TLR1: variants seen among roughly 807,000 people sequenced by gnomAD.
TLR1 encodes the protein toll like receptor 1, also known as toll-like receptor 1.
Under a neutral mutation model 20.2 loss-of-function variants are expected in TLR1, and 19 were observed. The observed-to-expected ratio is 0.94, with a 90% CI of 0.66 to 1.38. The LOEUF is 1.38. Among genes scored for constraint, TLR1 ranks in the 40% most tolerant of loss-of-function variants. TLR1 has a pLI of 0.00. For missense variants in TLR1, 921 were observed against 910.0 expected (o/e 1.01, Z -0.16); for synonymous variants, 320 against 334.5 (o/e 0.96, Z 0.47).
downstream of TLR1, among the ~76,000 whole-genome samples, chr4:38,789,867 G>GTAA (rs1725677746): frequency 1.3e-5 from 2 of 152,168 alleles, no homozygotes; most frequent in South Asian, 4.1e-4. Flanking sequence ...TATGATCTAT[G>GTAA]TAATGTTGGG....
rs1726157423 is a variant in TLR1 at position 38,797,187 on chromosome 4, C to T, written c.1645G>A (p.Gly549Ser). The T allele has an allele frequency of 3.1e-6, 5 of 1,614,100 alleles. No homozygotes were observed. Among genetic ancestry groups the T allele is most frequent in the Non-Finnish European group, 4.2e-6 (5 of 1,180,052 alleles). The change falls in exon 4 of 4, where the codon GGC (glycine) becomes AGC (serine). Residue 549 changes from glycine (G) to serine (S), a missense_variant. By Grantham distance (56) the Gly-to-Ser change is moderately conservative. Transcript: ENST00000308979. The stretch of plus-strand genomic sequence containing the variant: ...TCACACTTATAAGAATCAGGCCAGC[C>T]CTCTAACACTTCACTTGATACTTGG... ...IDQVSSEVLE[G>S]WPDSYKCDYP... is the part of the protein sequence containing the mutation.
downstream of TLR1, among the ~76,000 whole-genome samples, chr4:38,788,984 TG>T (rs1435001705): frequency 6.6e-6 from 1 of 152,118 alleles, no homozygotes; most frequent in Non-Finnish European, 1.5e-5. Context: ...CCAGCACAAG[TG>T]GCACAGCAAG....
At chr4:38,805,344 A>T (rs902343841), upstream of TLR1, 2 of 152,146 alleles carry the variant, frequency 1.3e-5, no homozygotes, top group Non-Finnish European at 2.9e-5. Context: ...TTGGTGCTGA[A>T]TTTTTTTCCA....
At chr4:38,800,131 C>T (rs1484362596) in intron 3 of TLR1, among the ~76,000 whole-genome samples, 1 of 152,020 alleles carries the variant, frequency 6.6e-6, no homozygotes, top group Non-Finnish European at 1.5e-5. Flanking sequence ...GAATGAGTAA[C>T]CTATGGGAAG....
At chr4:38,803,881 G>T (rs1316599655) in intron 2 of TLR1, among the ~76,000 whole-genome samples, 1 of 152,204 alleles carries the variant, frequency 6.6e-6, no homozygotes, top group African/African-American at 2.4e-5. Context: ...CACATTATAT[G>T]ATACAATGAA....
chr4:38,802,642 A>G (rs191975281), intron 2 of TLR1, among the ~76,000 whole-genome samples: 255 of 152,344 alleles, frequency 1.7e-3, no homozygotes, highest in Non-Finnish European at 2.5e-3. Context: ...CAAGTTGCCC[A>G]CTTGGCCCTC....
At chr4:38,803,861 G>A (rs1726842788) in intron 2 of TLR1, among the ~76,000 whole-genome samples, 1 of 152,172 alleles carries the variant, frequency 6.6e-6, no homozygotes, top group African/African-American at 2.4e-5. Context: ...TATTATGATA[G>A]GTTTAGCCTC....
rs5743566 is a variant in TLR1 at position 38,804,321 on chromosome 4, G to C, written c.-175C>G. The C allele has an allele frequency of 0.15, 22,261 of 152,362 alleles. 2,249 individuals are homozygous for C. Among genetic ancestry groups the C allele is most frequent in the East Asian group, 0.4 (2,085 of 5,174 alleles). The allele number at this position is 152,362 out of a possible 1,614,324, so 9.4% of individuals were successfully genotyped here. A position where few individuals can be genotyped will look rare whatever the true frequency, so the allele number is the denominator to read the frequency against. On this transcript the variant is annotated 5_prime_UTR_variant, in exon 2 of 4. Coordinates refer to ENST00000308979, the MANE Select transcript of TLR1 (RefSeq NM_003263.4). ...TGAAACAAACCTGGCCACAAAAACA[G>C]AAGAGCTGAACAGCAGCATTGCCTC...
downstream of TLR1, among the ~76,000 whole-genome samples, chr4:38,795,108 TC>T (rs1725950870): frequency 1.3e-5 from 2 of 152,134 alleles, no homozygotes; most frequent in African/African-American, 4.8e-5. Context: ...AGAAAAGGTA[TC>T]AATTACACCT....
downstream of TLR1, chr4:38,794,447 C>T (rs573549358): frequency 5.9e-5 from 9 of 152,218 alleles, no homozygotes; most frequent in African/African-American, 1.7e-4. Context: ...ATATAACTTT[C>T]CACACTCCTA....
Position 38,796,844 on chromosome 4 carries a change from C to A in TLR1, c.1988G>T (p.Gly663Val), listed in dbSNP as rs1560456396. 6.2e-7 allele frequency: 1 copy of A among 1,614,228 alleles called. No individual in the cohort carries two copies. ...TCTCTCATGAAGGCAAATCTGCATA[C>A]CTTCTTTCTCTAGGTTTGGCAATAA... ...NELLPNLEKE[G>V]MQICLHERNF... The change falls in exon 4 of 4, where the codon GGT becomes GTT. Residue 663 changes from glycine (G) to valine (V), a missense_variant. Transcript: ENST00000308979.
downstream of TLR1, among the ~76,000 whole-genome samples, chr4:38,791,949 G>A (rs969173163): frequency 2.0e-5 from 3 of 152,154 alleles, no homozygotes; most frequent in Admixed American, 1.3e-4. Context: ...GTGGAGGTCC[G>A]AGATGCTTCT....
At chr4:38,796,240 A>C (rs1726041913), downstream of TLR1, 1 of 514,164 alleles carries the variant, frequency 1.9e-6, no homozygotes, top group African/African-American at 1.9e-5. Context: ...TATAGCAAAG[A>C]AACAAGTGGA....
intron 2 of TLR1, among the ~76,000 whole-genome samples, chr4:38,802,773 C>T (rs1054148506): frequency 4.6e-5 from 7 of 152,186 alleles, no homozygotes; most frequent in African/African-American, 7.2e-5. Context: ...AGTGACTCAG[C>T]GAGTTTAGAG....
At chr4:38,792,077 G>A (rs1387354155), downstream of TLR1, among the ~76,000 whole-genome samples, 1 of 152,154 alleles carries the variant, frequency 6.6e-6, no homozygotes. Context: ...CCAGTATTAT[G>A]CCCATTTTAT....
At chr4:38,792,134 A>G (rs1314693738), downstream of TLR1, among the ~76,000 whole-genome samples, 1 of 152,238 alleles carries the variant, frequency 6.6e-6, no homozygotes, top group East Asian at 1.9e-4. Context: ...TCATCTATGG[A>G]CAGAGGATTT....
Position 38,797,750 on chromosome 4 carries a change from G to A in TLR1, c.1082C>T (p.Thr361Ile). 6.2e-7 allele frequency: 1 copy of A among 1,614,062 alleles called. No individual in the cohort carries two copies. Among genetic ancestry groups the A allele is most frequent in the Non-Finnish European group, 8.5e-7 (1 of 1,179,998 alleles). ...LHLDFSNNLL[T>I]DTVFENCGHL... ...CCCACAATTTTCAAAAACCGTGTCTGTTAAGAGATTATTGGAAAAATCCAA... is the reference window on the plus strand; with the variant it reads ...CCCACAATTTTCAAAAACCGTGTCTATTAAGAGATTATTGGAAAAATCCAA... Residue 361 changes from threonine (T) to isoleucine (I), a missense_variant, in exon 4 of 4, where the codon ACA becomes ATA. Transcript: ENST00000308979.
downstream of TLR1, among the ~76,000 whole-genome samples, chr4:38,792,075 A>T (rs1725750365): frequency 6.6e-6 from 1 of 152,208 alleles, no homozygotes; most frequent in South Asian, 2.1e-4. Flanking sequence ...TACCAGTATT[A>T]TGCCCATTTT....
intron 3 of TLR1, among the ~76,000 whole-genome samples, chr4:38,800,209 G>A (rs1272501371): frequency 6.6e-6 from 1 of 152,144 alleles, no homozygotes. Context: ...ATGGAATTGA[G>A]CTTGGCTTGT....
Sources: allele counts gnomAD v4.1 joint callset (sites outside exome capture counted in the v4.1 genomes callset), GRCh38; gene constraint gnomAD v4.1.1; transcripts MANE v1.5; gene names NCBI Gene and HGNC (gene_info 2026-07-23, HGNC 2026-07-21).